Variants in FZD8 observed in about 807,000 individuals in gnomAD.
The protein encoded by FZD8 is frizzled-8.
A neutral mutation model predicts 46.0 loss-of-function variants in FZD8; 18 were observed. The observed-to-expected ratio is 0.39, with a 90% confidence interval of 0.27 to 0.58. The LOEUF (loss-of-function observed/expected upper bound fraction) is 0.58. Ranked by LOEUF, FZD8 falls within the 20% of genes least tolerant of loss-of-function variation. The pLI, the probability that FZD8 is intolerant of heterozygous loss-of-function variation, is 0.55. For synonymous variants in FZD8, 586 were observed against 467.9 expected (o/e 1.25, Z -3.26); for missense variants, 785 against 983.4 (o/e 0.80, Z 2.70).
At position 35,642,117 on chromosome 10, in the gene FZD8, C is replaced by G. The variant is rs1382777996; in HGVS notation, c.-688G>C. 1.3e-5 allele frequency: 2 copies of G among 153,256 alleles called. No individual in the cohort carries two copies. Among genetic ancestry groups the G allele is most frequent in the Non-Finnish European group, 2.9e-5 (2 of 68,430 alleles). 9.5% of individuals were successfully genotyped at this position (153,256 alleles called of 1,614,324 possible). On this transcript the variant is annotated 5_prime_UTR_variant, in exon 1 of 1. Transcript: ENST00000374694. The stretch of plus-strand genomic sequence containing the variant: ...CCCCGCCGCCTGGAAAAGTCAGCGC[C>G]GCGCTCCGGCCGCAGTCGGGCGAGG...
rs982754996 is a variant in FZD8, at chr10:35,641,712, T to G, written c.-283A>C. The G allele has an allele frequency of 4.5e-5, 14 of 308,346 alleles. No individual in the cohort carries two copies. The highest frequency in any genetic ancestry group is 7.7e-5 in the Non-Finnish European group (13 of 169,034). The allele number at this position is 308,346 out of a possible 1,614,324, so 19.1% of individuals were successfully genotyped here. A position where few individuals can be genotyped will look rare whatever the true frequency, so the allele number is the denominator to read the frequency against. ...GCCACAGTCCGTAGGTCCGCTCTGC[T>G]GGCCCCGGGTCGCGCTCAGCCCTCG... On this transcript the variant is annotated 5_prime_UTR_variant, in exon 1 of 1. Coordinates refer to ENST00000374694, the MANE Select transcript of FZD8 (RefSeq NM_031866.3). The surrounding 1 kb of genome is among the most constrained non-coding windows in gnomAD (Gnocchi z 6.3).
chr10:35,639,870 G>A lies in FZD8; in HGVS notation c.1560C>T (p.Pro520=). The A allele has an allele frequency of 6.2e-7, 1 of 1,611,134 alleles. No individual in the cohort carries two copies. Among genetic ancestry groups the A allele is most frequent in the Non-Finnish European group, 8.5e-7 (1 of 1,179,914 alleles). Residue 520 remains proline (P), a synonymous_variant, in exon 1 of 1, where the codon CCC becomes CCT. Transcript: ENST00000374694. The stretch of plus-strand genomic sequence containing the variant: ...GCTTCTCCAGCTTGTGCGTCTTGGT[G>A]GGGCCGTCCTGTTGCTTGATGACCG... ...IRSVIKQQDG[P]TKTHKLEKLM... is the part of the protein sequence containing the mutation.
In FZD8 at chr10:35,639,702, G is replaced by C. The variant is rs772543332; in HGVS notation, c.1728C>G (p.Asp576Glu). The change falls in exon 1 of 1, where the codon GAC (aspartate) becomes GAG (glutamate). Residue 576 changes from aspartate to glutamate, a missense_variant. By Grantham distance (45) the Asp-to-Glu change is conservative. This residue lies in a region of FZD8 where 185 missense variants were observed against 180.8 expected (regional missense o/e 1.02). Transcript: ENST00000374694. ...CGGCGTAGTCGGGCCTGCGTGCCTG[G>C]TCGGGCTGCAGGTCCCGCAGGCACG... ...NCPCLRDLQP[D>E]QARRPDYAVF... 8 of 1,599,574 alleles carry C rather than the reference G, an allele frequency of 5.0e-6. No homozygotes were observed. In the South Asian group the frequency reaches 8.8e-5, roughly 18 times the overall value.
At position 35,640,524 on chromosome 10, in the gene FZD8, G is replaced by A; in HGVS notation, c.906C>T (p.Asp302=). 6.3e-7 allele frequency: 1 copy of A among 1,587,918 alleles called. No individual in the cohort carries two copies. The highest frequency in any genetic ancestry group is 2.3e-5 in the East Asian group (1 of 43,470). Residue 302 remains aspartate (D), a synonymous_variant, in exon 1 of 1, where the codon GAC becomes GAT. Coordinates refer to ENST00000374694, the MANE Select transcript of FZD8 (RefSeq NM_031866.3). ...TFATVSTFLI[D]MERFKYPERP... is the part of the protein sequence containing the mutation. ...GCTCCGGGTACTTGAAGCGCTCCAT[G>A]TCGATAAGGAAGGTGGAGACGGTGG...
chr10:35,641,154 G>A lies in FZD8; in HGVS notation c.276C>T (p.Tyr92=), dbSNP rs201329456. 22 of 1,613,790 alleles carry A rather than the reference G, an allele frequency of 1.4e-5. No individual in the cohort carries two copies. The highest frequency in any genetic ancestry group is 1.9e-5 in the Non-Finnish European group (22 of 1,179,864). Residue 92 remains tyrosine (Y), a synonymous_variant, in exon 1 of 1, where the codon TAC becomes TAT. Coordinates refer to ENST00000374694, the MANE Select transcript of FZD8 (RefSeq NM_031866.3). The surrounding 1 kb of genome is among the most constrained non-coding windows in gnomAD (Gnocchi z 6.3). ...PDLKFFLCSM[Y]TPICLEDYKK... is the part of the protein sequence containing the mutation. ...TGTAGTCCTCTAGGCAGATGGGCGT[G>A]TACATGCTGCACAGGAAGAACTTGA...
Position 35,640,254 on chromosome 10 carries a change from G to A in FZD8, c.1176C>T (p.Gly392=), listed in dbSNP as rs759695480. 1.2e-6 allele frequency: 2 copies of A among 1,607,736 alleles called. No individual in the cohort carries two copies. Among genetic ancestry groups the A allele is most frequent in the Non-Finnish European group, 1.7e-6 (2 of 1,179,516 alleles). ...AGAAGACCACGGTGCACAGCGCGGG[G>A]CCGGTGGTCTCGTAGCGCACGTGCT... The part of the protein sequence containing the change: ...VEQHVRYETT[G]PALCTVVFLL... Residue 392 remains glycine (G), a synonymous_variant, in exon 1 of 1, where the codon GGC becomes GGT. Coordinates refer to ENST00000374694, the MANE Select transcript of FZD8 (RefSeq NM_031866.3).
rs1835801591 is a variant in FZD8 at position 35,638,779 on chromosome 10, T to C, written c.*566A>G. 6.6e-6 allele frequency: 1 copy of C among 152,442 alleles called. No homozygotes were observed. Among genetic ancestry groups the C allele is most frequent in the Non-Finnish European group, 1.5e-5 (1 of 68,008 alleles). 9.4% of individuals were successfully genotyped at this position (152,442 alleles called of 1,614,324 possible). A position where few individuals can be genotyped will look rare whatever the true frequency, so the allele number is the denominator to read the frequency against. On this transcript the variant is annotated 3_prime_UTR_variant, in exon 1 of 1. Transcript: ENST00000374694. ...TTTAACAAATAATTATATAAATACATCCTCTAATGTAAGAAACCCGTATTT... is the reference window on the plus strand; with the variant it reads ...TTTAACAAATAATTATATAAATACACCCTCTAATGTAAGAAACCCGTATTT...
In FZD8 at chr10:35,639,331, C is replaced by A; in HGVS notation, c.*14G>T. On this transcript the variant is annotated 3_prime_UTR_variant, in exon 1 of 1. Coordinates refer to ENST00000374694, the MANE Select transcript of FZD8 (RefSeq NM_031866.3). Reference sequence around the variant, plus strand: ...CCCCCTCCCCACCCCTCCTGGGCGCCCCCTCCCCTCCGCTCAGACCTGGGA... The same window carrying A: ...CCCCCTCCCCACCCCTCCTGGGCGCACCCTCCCCTCCGCTCAGACCTGGGA... 2 of 1,301,156 alleles carry A rather than the reference C, an allele frequency of 1.5e-6. No individual in the cohort carries two copies. Among genetic ancestry groups the A allele is most frequent in the Non-Finnish European group, 2.0e-6 (2 of 978,404 alleles). The allele number at this position is 1,301,156 out of a possible 1,614,324, so 80.6% of individuals were successfully genotyped here.
At position 35,639,999 on chromosome 10, in the gene FZD8, G is replaced by A. The variant is rs200407196; in HGVS notation, c.1431C>T (p.Ser477=). The A allele has an allele frequency of 1.4e-5, 23 of 1,612,382 alleles. No homozygotes were observed. In the East Asian group the frequency reaches 4.0e-4, roughly 28 times the overall value. ...GCACGAAGCCGCGCAGGTTGTCCAGGCTCTGGTTGCCCACGTAGCAGATGC... is the reference window on the plus strand; with the variant it reads ...GCACGAAGCCGCGCAGGTTGTCCAGACTCTGGTTGCCCACGTAGCAGATGC... ...VAGICYVGNQ[S]LDNLRGFVLA... Residue 477 remains serine, a synonymous_variant, in exon 1 of 1, where the codon AGC becomes AGT. Transcript: ENST00000374694.
chr10:35,641,537 T>A lies in FZD8; in HGVS notation c.-108A>T, dbSNP rs1835863349. 7.0e-7 allele frequency: 1 copy of A among 1,418,998 alleles called. No homozygotes were observed. Among genetic ancestry groups the A allele is most frequent in the Non-Finnish European group, 9.2e-7 (1 of 1,081,388 alleles). The allele number at this position is 1,418,998 out of a possible 1,614,324, so 87.9% of individuals were successfully genotyped here. Reference sequence around the variant, plus strand: ...GACGGGTACAGCGGGTGATCTGGGGTCTCCCTTATGCTTCGCCCGGGAGGG... The same window carrying A: ...GACGGGTACAGCGGGTGATCTGGGGACTCCCTTATGCTTCGCCCGGGAGGG... On this transcript the variant is annotated 5_prime_UTR_variant, in exon 1 of 1. Transcript: ENST00000374694. The surrounding 1 kb of genome is among the most constrained non-coding windows in gnomAD (Gnocchi z 6.3).
At position 35,641,507 on chromosome 10, in the gene FZD8, C is replaced by A. The variant is rs1022830482; in HGVS notation, c.-78G>T. The stretch of plus-strand genomic sequence containing the variant: ...GCCGGGGGGGGGGCCCACGAGAGAG[C>A]CGCAGACGGGTACAGCGGGTGATCT... On this transcript the variant is annotated 5_prime_UTR_variant, in exon 1 of 1. Coordinates refer to ENST00000374694, the MANE Select transcript of FZD8 (RefSeq NM_031866.3). This position sits in a 1 kb window ranked among gnomAD's most constrained non-coding sequence, Gnocchi z 6.3. 3.4e-6 allele frequency: 5 copies of A among 1,487,312 alleles called. No homozygotes were observed. Among genetic ancestry groups the A allele is most frequent in the Non-Finnish European group, 4.4e-6 (5 of 1,125,412 alleles). The allele number at this position is 1,487,312 out of a possible 1,614,324, so 92.1% of individuals were successfully genotyped here. A position where few individuals can be genotyped will look rare whatever the true frequency, so the allele number is the denominator to read the frequency against.
In FZD8 at chr10:35,640,386, C is replaced by A. The variant is rs749121600; in HGVS notation, c.1044G>T (p.Gly348=). 4 of 1,119,924 alleles carry A rather than the reference C, an allele frequency of 3.6e-6. No individual in the cohort carries two copies. The South Asian group carries it at 9.0e-5, about 25-fold the overall frequency. 69.4% of individuals were successfully genotyped at this position (1,119,924 alleles called of 1,614,324 possible). The change falls in exon 1 of 1, where the codon GGG becomes GGT. Residue 348 remains glycine, a synonymous_variant. Coordinates refer to ENST00000374694, the MANE Select transcript of FZD8 (RefSeq NM_031866.3). ...VACSGGAPGA[G]GAGGAGGAAA... is the part of the protein sequence containing the mutation. ...CCGCGCCGCCCGCGCCCCCAGCGCC[C>A]CCCGCGCCCGGCGCGCCACCGCTGC...
Position 35,639,986 on chromosome 10 carries a change from G to T in FZD8, c.1444C>A (p.Arg482Ser). The change falls in exon 1 of 1, where the codon CGC becomes AGC. Residue 482 changes from arginine to serine, a missense_variant. Physicochemically the swap from Arg to Ser is moderately radical, Grantham distance 110. Around this residue, in one of 5 missense-constraint regions of FZD8, gnomAD observed 147 missense variants for 242.5 expected, o/e 0.61. Coordinates refer to ENST00000374694, the MANE Select transcript of FZD8 (RefSeq NM_031866.3). ...YVGNQSLDNL[R>S]GFVLAPLVIY... is the part of the protein sequence containing the mutation. ...ACCAGCGGCGCCAGCACGAAGCCGC[G>T]CAGGTTGTCCAGGCTCTGGTTGCCC... The T allele has an allele frequency of 6.2e-7, 1 of 1,612,680 alleles. No individual in the cohort carries two copies. The highest frequency in any genetic ancestry group is 8.5e-7 in the Non-Finnish European group (1 of 1,179,860).
Position 35,640,917 on chromosome 10 carries a change from CGGCGGCGGCGGCA to C in FZD8, c.500_512del (p.Leu167ArgfsTer69). On this transcript the variant is annotated frameshift_variant, in exon 1 of 1. Transcript: ENST00000374694. LOFTEE classifies it high-confidence loss of function. Reference sequence around the variant, plus strand: ...TGCCCGAAGGCGGCTGCTCGCCGGGCGGCGGCGGCGGCAGGCGGCGCGGCGGGCTGGGCGCGGC... The same window carrying C: ...TGCCCGAAGGCGGCTGCTCGCCGGGCGGCGGCGCGGCGGGCTGGGCGCGGC... The C allele has an allele frequency of 8.5e-7, 1 of 1,180,012 alleles. No homozygotes were observed. 73.1% of individuals were successfully genotyped at this position (1,180,012 alleles called of 1,614,324 possible).
chr10:35,639,313 C>A lies in FZD8; in HGVS notation c.*32G>T. ...GCACTTGGCTCTCCTCGCCCCCCTC[C>A]CCACCCCTCCTGGGCGCCCCCTCCC... On this transcript the variant is annotated 3_prime_UTR_variant, in exon 1 of 1. Transcript: ENST00000374694. The A allele has an allele frequency of 1.1e-6, 1 of 936,816 alleles. No individual in the cohort carries two copies. The highest frequency in any genetic ancestry group is 3.7e-4 in the Middle Eastern group (1 of 2,730). 58.0% of individuals were successfully genotyped at this position (936,816 alleles called of 1,614,324 possible). A position where few individuals can be genotyped will look rare whatever the true frequency, so the allele number is the denominator to read the frequency against.
Position 35,639,361 on chromosome 10 carries a change from G to A in FZD8, c.2069C>T (p.Pro690Leu). 2 of 1,450,472 alleles carry A rather than the reference G, an allele frequency of 1.4e-6. No homozygotes were observed. Among genetic ancestry groups the A allele is most frequent in the African/African-American group, 1.5e-5 (1 of 66,090 alleles). The allele number at this position is 1,450,472 out of a possible 1,614,324, so 89.9% of individuals were successfully genotyped here. A position where few individuals can be genotyped will look rare whatever the true frequency, so the allele number is the denominator to read the frequency against. ...CCCCTCCGCTCAGACCTGGGACAATGGCATCTGCTTTGGATAAGACACGGA... is the reference window on the plus strand; with the variant it reads ...CCCCTCCGCTCAGACCTGGGACAATAGCATCTGCTTTGGATAAGACACGGA... ...ASSVSYPKQM[P>L]LSQV Residue 690 changes from proline (P) to leucine (L), a missense_variant, in exon 1 of 1, where the codon CCA (proline) becomes CTA (leucine). Coordinates refer to ENST00000374694, the MANE Select transcript of FZD8 (RefSeq NM_031866.3).
rs1262492079 is a variant in FZD8, at chr10:35,640,194, G to C, written c.1236C>G (p.Ile412Met). 1 of 1,613,264 alleles carries C rather than the reference G, an allele frequency of 6.2e-7. No individual in the cohort carries two copies. Among genetic ancestry groups the C allele is most frequent in the Non-Finnish European group, 8.5e-7 (1 of 1,179,848 alleles). Residue 412 changes from isoleucine (I) to methionine (M), a missense_variant, in exon 1 of 1, where the codon ATC (isoleucine) becomes ATG (methionine). By Grantham distance (10) the Ile-to-Met change is conservative. Transcript: ENST00000374694. The stretch of plus-strand genomic sequence containing the variant: ...ATGTGAGCGACAAGATCACCCACCA[G>C]ATGGAGCTGGCCATGCCGAAGAAGT... ...LVYFFGMASS[I>M]WWVILSLTWF...
Position 35,639,408 on chromosome 10 carries a change from C to A in FZD8, c.2022G>T (p.Thr674=), listed in dbSNP as rs1325940587. The change falls in exon 1 of 1, where the codon ACG becomes ACT. Residue 674 remains threonine (T), a synonymous_variant. Coordinates refer to ENST00000374694, the MANE Select transcript of FZD8 (RefSeq NM_031866.3). ...SLYSDVSTGL[T]WRSGTASSVS... ...CGGAGCTCGCCGTGCCCGACCGCCA[C>A]GTCAGGCCAGTGCTGACGTCGCTGT... is the stretch of plus-strand genomic sequence containing the variant. The A allele has an allele frequency of 1.4e-6, 2 of 1,454,850 alleles. No homozygotes were observed. Among genetic ancestry groups the A allele is most frequent in the East Asian group, 3.0e-5 (1 of 33,748 alleles). The allele number at this position is 1,454,850 out of a possible 1,614,324, so 90.1% of individuals were successfully genotyped here. A position where few individuals can be genotyped will look rare whatever the true frequency, so the allele number is the denominator to read the frequency against.
In FZD8 at chr10:35,640,686, G is replaced by A. The variant is rs145278145; in HGVS notation, c.744C>T (p.Leu248=). Residue 248 remains leucine, a synonymous_variant, in exon 1 of 1, where the codon CTC becomes CTT. Coordinates refer to ENST00000374694, the MANE Select transcript of FZD8 (RefSeq NM_031866.3). ...MVSVSSERHP[L]YNRVKTGQIA... ...TCTGGCCTGTCTTGACGCGGTTGTA[G>A]AGCGGGTGGCGCTCGCTGGACACGC... 6.5e-7 allele frequency: 1 copy of A among 1,531,262 alleles called. No homozygotes were observed. The highest frequency in any genetic ancestry group is 8.8e-7 in the Non-Finnish European group (1 of 1,132,400). 94.9% of individuals were successfully genotyped at this position (1,531,262 alleles called of 1,614,324 possible). A position where few individuals can be genotyped will look rare whatever the true frequency, so the allele number is the denominator to read the frequency against.
Sources: allele counts gnomAD v4.1 joint callset, GRCh38; gene constraint gnomAD v4.1.1; regional missense constraint gnomAD v4.1.1; non-coding constraint Gnocchi (gnomAD v3.1); transcripts MANE v1.5; gene names NCBI Gene and HGNC (gene_info 2026-07-23, HGNC 2026-07-21).